Variants in MACROD2 observed in about 807,000 individuals in gnomAD.
The protein encoded by MACROD2 is mono-ADP ribosylhydrolase 2.
Under a neutral mutation model 70.4 loss-of-function variants are expected in MACROD2, and 36 were observed. The observed-to-expected ratio is 0.51, with a 90% CI of 0.39 to 0.68. MACROD2 has a LOEUF of 0.68. MACROD2 is among the 30% of genes least tolerant of loss of function. The pLI is 0.00. For synonymous variants in MACROD2, 172 were observed against 178.8 expected, an observed-to-expected ratio of 0.96 and a Z score of 0.30; for missense variants, 496 against 538.4, an observed-to-expected ratio of 0.92 and a Z score of 0.78.
intron 5 of MACROD2, among the ~76,000 whole-genome samples, chr20:15,134,891 G>A (rs1211995516): frequency 2.6e-5 from 4 of 151,976 alleles, no homozygotes; most frequent in East Asian, 3.9e-4. Flanking sequence ...TATCACCACC[G>A]ATCCCACAGA....
chr20:15,288,123 G>A (rs2077508324), intron 6 of MACROD2, among the ~76,000 whole-genome samples: 1 of 152,162 alleles, frequency 6.6e-6, no homozygotes, highest in Non-Finnish European at 1.5e-5. Context: ...TGTTGCAAGT[G>A]ACTGAAATCC....
intron 3 of MACROD2, among the ~76,000 whole-genome samples, chr20:14,354,721 T>C (rs2122703755): frequency 6.6e-6 from 1 of 152,284 alleles, no homozygotes; most frequent in Admixed American, 6.5e-5. Flanking sequence ...CTGAGCACGG[T>C]ACCCAACAGT....
chr20:15,187,083 C>T lies in MACROD2; in HGVS notation c.419-42857C>T, dbSNP rs79214766. ...CACCACCAAACTGCCAAAGAGCCAGCGACATGATTGATGGTTGAGAGCCAC... is the reference window on the plus strand; with the variant it reads ...CACCACCAAACTGCCAAAGAGCCAGTGACATGATTGATGGTTGAGAGCCAC... On this transcript the variant is annotated intron_variant, in intron 5 of 17. Transcript: ENST00000684519. 1.0e-3 allele frequency among the ~76,000 whole-genome samples: 159 copies of T among 152,196 alleles called. 2 individuals are homozygous for T. In the East Asian group the frequency reaches 0.026, roughly 25 times the overall value.
chr20:14,367,995 A>G (rs2122737497), intron 3 of MACROD2, among the ~76,000 whole-genome samples: 1 of 151,980 alleles, frequency 6.6e-6, no homozygotes, highest in Non-Finnish European at 1.5e-5. Flanking sequence ...TAAGTTTTTC[A>G]TGTTAGTTAT....
At chr20:15,868,045 C>T (rs2064518812) in intron 9 of MACROD2, among the ~76,000 whole-genome samples, 1 of 152,182 alleles carries the variant, frequency 6.6e-6, no homozygotes, top group Non-Finnish European at 1.5e-5. Context: ...CTCCACAACC[C>T]TCCAGCAGAT....
At chr20:14,184,497 G>A (rs757295636) in intron 3 of MACROD2, among the ~76,000 whole-genome samples, 5 of 151,004 alleles carry the variant, frequency 3.3e-5, no homozygotes, top group East Asian at 1.9e-4. Context: ...TTAGGATTGC[G>A]TAGGCTATTT....
At chr20:14,014,536 A>G (rs190843808) in intron 2 of MACROD2, among the ~76,000 whole-genome samples, 1 of 152,264 alleles carries the variant, frequency 6.6e-6, no homozygotes, top group Admixed American at 6.5e-5. Context: ...AGCTACAGAA[A>G]CTTCAATACG....
At chr20:14,640,532 T>G (rs1041754943) in intron 4 of MACROD2, among the ~76,000 whole-genome samples, 2 of 152,030 alleles carry the variant, frequency 1.3e-5, no homozygotes, top group African/African-American at 4.8e-5. Context: ...GGTCAAAGAG[T>G]GCTGAGAAGT....
intron 8 of MACROD2, among the ~76,000 whole-genome samples, chr20:15,687,923 TG>T (rs2050249213): frequency 6.6e-6 from 1 of 152,176 alleles, no homozygotes; most frequent in Admixed American, 6.5e-5. Flanking sequence ...CTCAGGTTTT[TG>T]AAACTCAAAT....
intron 2 of MACROD2, among the ~76,000 whole-genome samples, chr20:14,062,449 G>C (rs1186977132): frequency 6.6e-6 from 1 of 152,140 alleles, no homozygotes; most frequent in Non-Finnish European, 1.5e-5. Flanking sequence ...TCACAAAACA[G>C]CTTTGTAGTA....
chr20:15,733,986 G>T (rs1469404302), intron 8 of MACROD2, among the ~76,000 whole-genome samples: 2 of 152,182 alleles, frequency 1.3e-5, no homozygotes, highest in South Asian at 4.1e-4. Flanking sequence ...AGAATTATGT[G>T]CTAGGAAATG....
chr20:14,206,379 C>T (rs963737075), intron 3 of MACROD2, among the ~76,000 whole-genome samples: 9 of 152,172 alleles, frequency 5.9e-5, no homozygotes, highest in African/African-American at 2.2e-4. Context: ...TCAGGTGATT[C>T]TGATGTACCT....
At chr20:15,759,777 T>A (rs1477678190) in intron 8 of MACROD2, among the ~76,000 whole-genome samples, 1 of 152,216 alleles carries the variant, frequency 6.6e-6, no homozygotes, top group Non-Finnish European at 1.5e-5. Context: ...CTGTTTTATG[T>A]CATTTTGACA....
At chr20:14,495,449 T>C (rs1206371516) in intron 4 of MACROD2, among the ~76,000 whole-genome samples, 1 of 152,194 alleles carries the variant, frequency 6.6e-6, no homozygotes, top group Non-Finnish European at 1.5e-5. Context: ...CCACATTGTC[T>C]TTGAATCTGG....
At chr20:14,404,273 G>A (rs529147864) in intron 3 of MACROD2, among the ~76,000 whole-genome samples, 2 of 152,188 alleles carry the variant, frequency 1.3e-5, no homozygotes, top group South Asian at 4.2e-4. Context: ...AAACATAAAG[G>A]CTAAGAATTT....
chr20:15,873,211 C>A (rs2064611107), intron 9 of MACROD2, among the ~76,000 whole-genome samples: 1 of 152,110 alleles, frequency 6.6e-6, no homozygotes, highest in South Asian at 2.1e-4. Flanking sequence ...AGTTGAATGT[C>A]ATGTACTATA....
chr20:14,086,285 T>G (rs1365575731), intron 3 of MACROD2: 2 of 284,654 alleles, frequency 7.0e-6, no homozygotes. Context: ...TTTTCCTATT[T>G]CAACATTGGG....
At chr20:14,060,621 A>G (rs1332539166) in intron 2 of MACROD2, among the ~76,000 whole-genome samples, 4 of 152,078 alleles carry the variant, frequency 2.6e-5, no homozygotes, top group African/African-American at 9.7e-5. Context: ...GGAGATTCGT[A>G]ATCTTCTTTG....
Position 15,048,083 on chromosome 20 carries a change from G to A in MACROD2, c.419-181857G>A, listed in dbSNP as rs567903925. The stretch of plus-strand genomic sequence containing the variant: ...GTTCAAGAACAGCCCGGCCAACATG[G>A]TGAAACCCTGTCTCTAGTAAATAAA... On this transcript the variant is annotated intron_variant, in intron 5 of 17. Coordinates refer to ENST00000684519, the MANE Select transcript of MACROD2 (RefSeq NM_001351661.2). Among the ~76,000 whole-genome samples the A allele has an allele frequency of 2.6e-4, 33 of 129,052 alleles. No homozygotes were observed. The South Asian group carries it at 5.0e-3, about 19-fold the overall frequency. 84.7% of individuals were successfully genotyped at this position (129,052 alleles called of 152,430 possible).
Sources: allele counts gnomAD v4.1 joint callset (sites outside exome capture counted in the v4.1 genomes callset), GRCh38; gene constraint gnomAD v4.1.1; transcripts MANE v1.5; gene names NCBI Gene and HGNC (gene_info 2026-07-23, HGNC 2026-07-21).